SYNPR: variants seen among roughly 807,000 people sequenced by gnomAD.
The protein encoded by SYNPR is synaptoporin.
Under a neutral mutation model 32.9 loss-of-function variants are expected in SYNPR, and 23 were observed. That is an observed-to-expected ratio of 0.70 (90% confidence interval 0.50 to 0.99). The LOEUF is 0.99. Among genes scored for constraint, SYNPR ranks in the 50% least tolerant of loss-of-function variants. The pLI is 0.00. For synonymous variants in SYNPR, 146 were observed against 135.9 expected (o/e 1.07, Z -0.52); for missense variants, 318 against 349.3 (o/e 0.91, Z 0.71).
chr3:63,287,623 G>A (rs181486432), intron 2 of SYNPR, among the ~76,000 whole-genome samples: 1 of 152,140 alleles, frequency 6.6e-6, no homozygotes, highest in Non-Finnish European at 1.5e-5. Context: ...CCAGGCAGTA[G>A]GTGCTTAGAA....
At chr3:63,350,080 C>T (rs1264989574) in intron 2 of SYNPR, among the ~76,000 whole-genome samples, 1 of 152,094 alleles carries the variant, frequency 6.6e-6, no homozygotes, top group Admixed American at 6.6e-5. Flanking sequence ...CATGATCTTA[C>T]ATTATACTGT....
intron 1 of SYNPR, among the ~76,000 whole-genome samples, chr3:63,241,097 A>G (rs2086238702): frequency 6.6e-6 from 1 of 152,096 alleles, no homozygotes; most frequent in African/African-American, 2.4e-5. Flanking sequence ...ATCAGGATCC[A>G]CCTTCACCGT....
chr3:63,308,865 T>G (rs1015116644), intron 2 of SYNPR, among the ~76,000 whole-genome samples: 12 of 151,848 alleles, frequency 7.9e-5, no homozygotes, highest in African/African-American at 2.9e-4. Flanking sequence ...TTTTATAATT[T>G]TCATTGAATT....
chr3:63,612,988 T>C (rs1575737611), intron 5 of SYNPR, among the ~76,000 whole-genome samples: 1 of 151,366 alleles, frequency 6.6e-6, no homozygotes, highest in East Asian at 2.0e-4. Flanking sequence ...CTTTTTTTTT[T>C]TGAGACAGGG....
intron 2 of SYNPR, among the ~76,000 whole-genome samples, chr3:63,392,371 A>C (rs1009097117): frequency 6.6e-6 from 1 of 152,208 alleles, no homozygotes; most frequent in Non-Finnish European, 1.5e-5. Context: ...ATTTGCCAAA[A>C]AAAGGAATGA....
intron 2 of SYNPR, among the ~76,000 whole-genome samples, chr3:63,259,526 C>T (rs1297725148): frequency 6.6e-6 from 1 of 152,134 alleles, no homozygotes. Flanking sequence ...TTCAACAGCC[C>T]TTCATGCTAA....
At chr3:63,552,534 A>C (rs1317386263) in intron 3 of SYNPR, among the ~76,000 whole-genome samples, 1 of 152,186 alleles carries the variant, frequency 6.6e-6, no homozygotes, top group Non-Finnish European at 1.5e-5. Flanking sequence ...GCAAAAACAA[A>C]TGGACTTGAG....
At chr3:63,340,472 T>A (rs1490891313) in intron 2 of SYNPR, among the ~76,000 whole-genome samples, 2 of 141,818 alleles carry the variant, frequency 1.4e-5, no homozygotes, top group East Asian at 4.1e-4. Flanking sequence ...CAGGCTGGAG[T>A]GCAGTGGCGG....
chr3:63,391,185 T>C (rs1347336812), intron 2 of SYNPR, among the ~76,000 whole-genome samples: 1 of 152,198 alleles, frequency 6.6e-6, no homozygotes, highest in African/African-American at 2.4e-5. Context: ...AATGGAGCTA[T>C]CTACCACTCA....
chr3:63,496,194 T>C (rs1701370180), intron 3 of SYNPR, among the ~76,000 whole-genome samples: 1 of 152,126 alleles, frequency 6.6e-6, no homozygotes, highest in South Asian at 2.1e-4. Flanking sequence ...TAATGTAACT[T>C]CTCAGAGATA....
At chr3:63,491,042 G>A (rs1416681585) in intron 3 of SYNPR, among the ~76,000 whole-genome samples, 1 of 152,100 alleles carries the variant, frequency 6.6e-6, no homozygotes, top group African/African-American at 2.4e-5. Flanking sequence ...GGGGTTACAG[G>A]TGGAGCCACT....
At chr3:63,338,087 T>C (rs1444517126) in intron 2 of SYNPR, among the ~76,000 whole-genome samples, 2 of 152,192 alleles carry the variant, frequency 1.3e-5, no homozygotes, top group African/African-American at 4.8e-5. Flanking sequence ...ATGTTAATAA[T>C]AGGAGAAACC....
chr3:63,263,578 T>C (rs1302823017), intron 2 of SYNPR, among the ~76,000 whole-genome samples: 3 of 152,172 alleles, frequency 2.0e-5, no homozygotes, highest in East Asian at 1.9e-4. Flanking sequence ...ATGGTGTCAG[T>C]TGGGGCAGCT....
At chr3:63,615,193 T>C (rs751037528) in intron 5 of SYNPR, 31 bp from the exon 6 acceptor site, 2 of 1,605,798 alleles carry the variant, frequency 1.2e-6, no homozygotes, top group South Asian at 2.2e-5. Flanking sequence ...TTGTCTAGTC[T>C]ATCAATTCAT....
intron 3 of SYNPR, among the ~76,000 whole-genome samples, chr3:63,524,869 G>A (rs1701980973): frequency 7.0e-6 from 1 of 143,018 alleles, no homozygotes; most frequent in African/African-American, 2.9e-5. Flanking sequence ...GTGTGTGTGT[G>A]TGAGAGAGAG....
At chr3:63,337,154 C>T (rs1188664729) in intron 2 of SYNPR, among the ~76,000 whole-genome samples, 2 of 148,022 alleles carry the variant, frequency 1.4e-5, no homozygotes, top group Non-Finnish European at 3.0e-5. Flanking sequence ...ATTGATTGAC[C>T]CAAGGAGGCA....
At chr3:63,217,142 G>C in the SYNPR span, among the ~76,000 whole-genome samples, 1 of 27,936 alleles carries the variant, frequency 3.6e-5, no homozygotes, top group South Asian at 9.6e-4. Context: ...TAAGTCTGCA[G>C]AGGTTACTGC....
chr3:63,398,433 AC>A (rs1278230757), intron 2 of SYNPR, among the ~76,000 whole-genome samples: 2 of 152,244 alleles, frequency 1.3e-5, no homozygotes, highest in East Asian at 3.9e-4. Flanking sequence ...TTAACAGTGT[AC>A]TTTTGGCCAG....
intron 3 of SYNPR, among the ~76,000 whole-genome samples, chr3:63,500,520 G>C (rs1305932094): frequency 6.6e-6 from 1 of 152,110 alleles, no homozygotes; most frequent in Non-Finnish European, 1.5e-5. Flanking sequence ...TGTCAAAATG[G>C]TTGAAAAAAG....
Sources: gnomAD v4.1 joint callset for allele counts (sites outside exome capture counted in the v4.1 genomes callset) on GRCh38, gnomAD v4.1.1 for gene constraint, MANE v1.5 for transcripts, NCBI Gene and HGNC (gene_info 2026-07-23, HGNC 2026-07-21) for gene names.